KANK1: variants seen among roughly 807,000 people sequenced by gnomAD.
The protein encoded by KANK1 is KN motif and ankyrin repeat domains 1.
In KANK1, 109 loss-of-function variants were observed where a neutral mutation model predicts 106.2. That is an observed-to-expected ratio of 1.03 (90% CI 0.88 to 1.20). The LOEUF is 1.20. Among genes scored for constraint, KANK1 ranks in the 50% most tolerant of loss-of-function variants. KANK1 has a pLI of 0.00. For synonymous variants in KANK1, 873 were observed against 652.2 expected (o/e 1.34, Z -5.16); for missense variants, 2,399 against 1,710.7 (o/e 1.40, Z -7.10).
At position 616,572 on chromosome 9, in the gene KANK1, T is replaced by G. The variant is rs534317224; in HGVS notation, c.-83-60318T>G. 5.3e-5 allele frequency among the ~76,000 whole-genome samples: 8 copies of G among 152,314 alleles called. No homozygotes were observed. The South Asian group carries it at 1.7e-3, about 32-fold the overall frequency. On this transcript the variant is annotated intron_variant, in intron 1 of 11. Coordinates refer to ENST00000382297, the MANE Select transcript of KANK1 (RefSeq NM_015158.5). The stretch of plus-strand genomic sequence containing the variant: ...CACTGGAATTTCTGAATACTTTATA[T>G]CCTCTATCCTTCCATCCAGGCTTGG...
At chr9:731,507 T>C in intron 5 of KANK1, 1 of 333,272 alleles carries the variant, frequency 3.0e-6, no homozygotes, top group Non-Finnish European at 5.6e-6. Flanking sequence ...TCCTCACCTC[T>C]GATCTGAAAG....
In KANK1 at chr9:485,869, CAAAAAAAAAA is replaced by C. The variant is rs58910749; in HGVS notation, c.-362+12604_-362+12613del. On this transcript the variant is annotated intron_variant, in intron 3 of 15. Transcript: ENST00000382303. ...CTGGGTGACAGAGTGAGAATTGTCT[CAAAAAAAAAA>C]AAAAAAAGAAAAGAAAAAGAGAGAG... Among the ~76,000 whole-genome samples, 299 of 98,320 alleles carry C rather than the reference CAAAAAAAAAA, an allele frequency of 3.0e-3. 6 individuals are homozygous for C. The highest frequency in any genetic ancestry group is 0.018 in the South Asian group (58 of 3,152). The allele number at this position is 98,320 out of a possible 152,430, so 64.5% of individuals were successfully genotyped here. A position where few individuals can be genotyped will look rare whatever the true frequency, so the allele number is the denominator to read the frequency against.
intron 2 of KANK1, chr9:471,615 A>C (rs1315865821): frequency 1.3e-5 from 2 of 152,224 alleles, no homozygotes; most frequent in African/African-American, 2.4e-5. Context: ...AAAAGAATGC[A>C]TTCTCTGCCA....
intron 1 of KANK1, among the ~76,000 whole-genome samples, chr9:548,760 T>A (rs560392562): frequency 4.1e-4 from 62 of 152,320 alleles, no homozygotes; most frequent in African/African-American, 1.5e-3. Context: ...AGTTTTATAA[T>A]GACCACGTTA....
chr9:745,405 G>T lies in KANK1; in HGVS notation c.*170G>T. 1 of 730,516 alleles carries T rather than the reference G, an allele frequency of 1.4e-6. No homozygotes were observed. Among genetic ancestry groups the T allele is most frequent in the Non-Finnish European group, 2.3e-6 (1 of 442,392 alleles). 45.3% of individuals were successfully genotyped at this position (730,516 alleles called of 1,614,324 possible). On this transcript the variant is annotated 3_prime_UTR_variant, in exon 12 of 12. Coordinates refer to ENST00000382297, the MANE Select transcript of KANK1 (RefSeq NM_015158.5). ...TTCACAGTGCAGAGACTGCTAGCCT[G>T]GGCACACACACCTCCTTTCTGGCCG...
At chr9:495,229 C>T (rs939251507) in intron 3 of KANK1, 1 of 152,256 alleles carries the variant, frequency 6.6e-6, no homozygotes, top group Admixed American at 6.5e-5. Context: ...CTGCCTCCTT[C>T]TCTTTCAGCA....
At chr9:555,583 T>C (rs1027558054) in intron 1 of KANK1, among the ~76,000 whole-genome samples, 3 of 152,252 alleles carry the variant, frequency 2.0e-5, no homozygotes, top group African/African-American at 7.2e-5. Flanking sequence ...TTGCTGCGTT[T>C]GTCTTCTTGC....
chr9:489,740 A>G (rs1484806272), intron 3 of KANK1, among the ~76,000 whole-genome samples: 1 of 152,186 alleles, frequency 6.6e-6, no homozygotes, highest in Admixed American at 6.5e-5. Flanking sequence ...TATTATTACT[A>G]TTTTTTATCT....
Position 732,478 on chromosome 9 carries a change from G to C in KANK1, c.3106G>C (p.Glu1036Gln). The change falls in exon 6 of 12, where the codon GAG becomes CAG. Residue 1036 changes from glutamate to glutamine, a missense_variant. Glu to Gln is a conservative substitution (Grantham distance 29). Coordinates refer to ENST00000382297, the MANE Select transcript of KANK1 (RefSeq NM_015158.5). The stretch of plus-strand genomic sequence containing the variant: ...CATTGAGTATCCTCTTGAAGAAGAG[G>C]AGGAGGAGGAGGATGAAGACACTCG... ...DVIEYPLEEE[E>Q]EEEDEDTRGM... 6.2e-7 allele frequency: 1 copy of C among 1,613,982 alleles called. No homozygotes were observed. The highest frequency in any genetic ancestry group is 8.5e-7 in the Non-Finnish European group (1 of 1,179,980).
intron 3 of KANK1, among the ~76,000 whole-genome samples, chr9:484,668 T>G (rs2058260962): frequency 2.0e-5 from 3 of 151,914 alleles, no homozygotes; most frequent in Non-Finnish European, 2.9e-5. Flanking sequence ...AGAAAAAAGG[T>G]AGATAATTTG....
intron 2 of KANK1, among the ~76,000 whole-genome samples, chr9:679,160 G>T (rs1281008558): frequency 6.6e-6 from 1 of 152,158 alleles, no homozygotes; most frequent in Non-Finnish European, 1.5e-5. Flanking sequence ...CAGGGTGTCA[G>T]AGTATGAATT....
intron 1 of KANK1, among the ~76,000 whole-genome samples, chr9:654,303 AAG>A (rs1309440223): frequency 6.6e-6 from 1 of 152,286 alleles, no homozygotes; most frequent in East Asian, 1.9e-4. Flanking sequence ...ACAGTCTTAG[AAG>A]GCAGGGTGTT....
intron 2 of KANK1, among the ~76,000 whole-genome samples, chr9:699,815 C>T (rs1304552574): frequency 2.6e-5 from 4 of 152,162 alleles, no homozygotes; most frequent in African/African-American, 9.7e-5. Flanking sequence ...ACCCCCATCT[C>T]TATAAAAAAT....
In KANK1 at chr9:608,012, A is replaced by AATT. The variant is rs1205173765; in HGVS notation, c.-83-68856_-83-68854dup. ...GAAGGAAAGACTAAAAAACTTTCAG[A>AATT]ATTATTATTATTATTATTATTATTT... is the stretch of plus-strand genomic sequence containing the variant. On this transcript the variant is annotated intron_variant, in intron 1 of 11. Coordinates refer to ENST00000382297, the MANE Select transcript of KANK1 (RefSeq NM_015158.5). Among the ~76,000 whole-genome samples, 75 of 123,376 alleles carry AATT rather than the reference A, an allele frequency of 6.1e-4. 2 individuals are homozygous for AATT. The highest frequency in any genetic ancestry group is 7.8e-4 in the South Asian group (3 of 3,840). The allele number at this position is 123,376 out of a possible 152,430, so 80.9% of individuals were successfully genotyped here. A position where few individuals can be genotyped will look rare whatever the true frequency, so the allele number is the denominator to read the frequency against.
chr9:626,904 GCTGCTATTGGTGTTT>G, intron 1 of KANK1, among the ~76,000 whole-genome samples: 1 of 152,048 alleles, frequency 6.6e-6, no homozygotes, highest in South Asian at 2.1e-4. Flanking sequence ...AAGACAGGCG[GCTGCTATTGGTGTTT>G]TACACTGGTG....
chr9:680,097 G>C (rs774861078), intron 2 of KANK1, among the ~76,000 whole-genome samples: 14 of 152,178 alleles, frequency 9.2e-5, no homozygotes, highest in Non-Finnish European at 1.8e-4. Flanking sequence ...AGGAGTTTCA[G>C]ATGTGGAGTA....
intron 2 of KANK1, among the ~76,000 whole-genome samples, chr9:701,607 C>T (rs914915217): frequency 2.0e-5 from 3 of 152,066 alleles, no homozygotes; most frequent in African/African-American, 7.2e-5. Context: ...ATTCGGGTAG[C>T]ACCCCAAGCA....
At chr9:486,950 T>A (rs967607162) in intron 3 of KANK1, among the ~76,000 whole-genome samples, 1 of 152,248 alleles carries the variant, frequency 6.6e-6, no homozygotes, top group Non-Finnish European at 1.5e-5. Context: ...TGCTCTGCTT[T>A]ATTGATATTT....
chr9:583,256 G>A (rs983762235), intron 1 of KANK1, among the ~76,000 whole-genome samples: 6 of 152,086 alleles, frequency 3.9e-5, no homozygotes, highest in African/African-American at 1.4e-4. Flanking sequence ...TCACTTTATT[G>A]TCTATGGGTA....
Sources: allele counts gnomAD v4.1 joint callset (sites outside exome capture counted in the v4.1 genomes callset), GRCh38; gene constraint gnomAD v4.1.1; transcripts MANE v1.5; gene names NCBI Gene and HGNC (gene_info 2026-07-23, HGNC 2026-07-21).